The following WDR59 variants were observed in gnomAD, a reference collection of about 807,000 sequenced individuals.
WDR59 encodes GATOR2 complex protein WDR59.
A neutral mutation model predicts 131.2 loss-of-function variants in WDR59; 100 were observed. The observed-to-expected ratio is 0.76, with a 90% CI of 0.65 to 0.90. The LOEUF (loss-of-function observed/expected upper bound fraction) is 0.90. Ranked by LOEUF, WDR59 falls within the 40% of genes least tolerant of loss-of-function variation. The pLI is 0.00. For missense variants in WDR59, 1,203 were observed against 1,262.2 expected, an observed-to-expected ratio of 0.95 and a Z score of 0.71; for synonymous variants, 601 against 466.2, an observed-to-expected ratio of 1.29 and a Z score of -3.72.
chr16:74,927,994 G>A (rs1397697624), intron 8 of WDR59, among the ~76,000 whole-genome samples: 3 of 137,398 alleles, frequency 2.2e-5, no homozygotes, highest in African/African-American at 5.5e-5. Flanking sequence ...TGCAACCTCC[G>A]CCTCCCAAGT....
intron 8 of WDR59, among the ~76,000 whole-genome samples, chr16:74,930,373 G>A (rs968717554): frequency 6.6e-6 from 1 of 152,068 alleles, no homozygotes; most frequent in Non-Finnish European, 1.5e-5. Flanking sequence ...ACAGTAAAAC[G>A]AAAAACAGAA....
chr16:74,951,502 A>G lies in WDR59; in HGVS notation c.282T>C (p.Ser94=), dbSNP rs748088388. ...CTTGTAAGGTTGTGCCAACTTCCCC[A>G]CTGCCGTCTTTCCACTTGTAAAGGT... ...RVDLYKWKDG[S]GEVGTTLQGH... The change falls in exon 4 of 26, where the codon AGT becomes AGC. Residue 94 remains serine (S), a synonymous_variant. Coordinates refer to ENST00000262144, the MANE Select transcript of WDR59 (RefSeq NM_030581.4). The G allele has an allele frequency of 2.6e-5, 41 of 1,603,246 alleles. No individual in the cohort carries two copies. The highest frequency in any genetic ancestry group is 3.2e-5 in the Non-Finnish European group (38 of 1,175,544).
At chr16:74,889,419 A>G (rs781526841) in intron 21 of WDR59, among the ~76,000 whole-genome samples, 1 of 152,220 alleles carries the variant, frequency 6.6e-6, no homozygotes, top group Non-Finnish European at 1.5e-5. Context: ...AAACTCCTGT[A>G]TTCAGACTGA....
chr16:74,906,572 A>G (rs1165934077), intron 17 of WDR59, among the ~76,000 whole-genome samples: 2 of 152,104 alleles, frequency 1.3e-5, no homozygotes, highest in African/African-American at 2.4e-5. Flanking sequence ...TTATGAACAT[A>G]TGTGTCCAGG....
At chr16:74,900,381 T>C (rs10514389) in intron 18 of WDR59, among the ~76,000 whole-genome samples, 54,056 of 151,980 alleles carry the variant, frequency 0.36, 11,647 homozygotes, top group African/African-American at 0.6. Context: ...AAAGCACCTT[T>C]GCTAACAATA....
rs61733725 is a variant in WDR59, at chr16:74,874,253, G to A, written c.2881C>T (p.Pro961Ser). 1.2e-6 allele frequency: 2 copies of A among 1,614,042 alleles called. No homozygotes were observed. Among genetic ancestry groups the A allele is most frequent in the African/African-American group, 2.7e-5 (2 of 74,936 alleles). Residue 961 changes from proline (P) to serine (S), a missense_variant, in exon 26 of 26, where the codon CCC becomes TCC. Coordinates refer to ENST00000262144, the MANE Select transcript of WDR59 (RefSeq NM_030581.4). ...MEWFRTQEVC[P>S]TGCGCHCLLE... ...AGGCAGTGGCACCCACACCCGGTGG[G>A]ACACACCTCCTGGGTCCGAAACCAC... is the stretch of plus-strand genomic sequence containing the variant.
intron 3 of WDR59, among the ~76,000 whole-genome samples, chr16:74,952,112 C>T (rs2053364969): frequency 6.6e-6 from 1 of 151,690 alleles, no homozygotes; most frequent in Non-Finnish European, 1.5e-5. Context: ...GTGAGGACTG[C>T]GCCATCACAA....
chr16:74,946,263 G>C (rs2032629782), intron 6 of WDR59, among the ~76,000 whole-genome samples: 1 of 152,138 alleles, frequency 6.6e-6, no homozygotes, highest in Non-Finnish European at 1.5e-5. Flanking sequence ...AGTATATTTG[G>C]TTCAGTATTA....
In WDR59 at chr16:74,874,161, C is replaced by T. The variant is rs920395903; in HGVS notation, c.*48G>A. ...CCCCTGACAGACAGCTTGTCACCGG[C>T]ACTTATGGGTCCTCTGGGATTTCAG... is the stretch of plus-strand genomic sequence containing the variant. On this transcript the variant is annotated 3_prime_UTR_variant, in exon 26 of 26. Coordinates refer to ENST00000262144, the MANE Select transcript of WDR59 (RefSeq NM_030581.4). 2.0e-6 allele frequency: 3 copies of T among 1,503,330 alleles called. No homozygotes were observed. The highest frequency in any genetic ancestry group is 2.7e-6 in the Non-Finnish European group (3 of 1,099,130). The allele number at this position is 1,503,330 out of a possible 1,614,324, so 93.1% of individuals were successfully genotyped here. A position where few individuals can be genotyped will look rare whatever the true frequency, so the allele number is the denominator to read the frequency against.
At chr16:74,954,697 C>T (rs1182674482) in intron 3 of WDR59, among the ~76,000 whole-genome samples, 1 of 152,146 alleles carries the variant, frequency 6.6e-6, no homozygotes, top group East Asian at 1.9e-4. Context: ...ATGTTCATAC[C>T]AGCTCTATTC....
chr16:74,900,707 T>C (rs1965510320), intron 18 of WDR59, among the ~76,000 whole-genome samples: 2 of 152,238 alleles, frequency 1.3e-5, no homozygotes, highest in African/African-American at 4.8e-5. Flanking sequence ...ATCTAGAGAA[T>C]ATTTGGGTGA....
chr16:74,898,384 T>A (rs1174769833), intron 18 of WDR59, among the ~76,000 whole-genome samples: 3 of 152,150 alleles, frequency 2.0e-5, no homozygotes, highest in African/African-American at 7.2e-5. Flanking sequence ...CAATGCTCCA[T>A]CAATAGAAAA....
At chr16:74,881,494 T>C (rs533324575) in intron 25 of WDR59, among the ~76,000 whole-genome samples, 3 of 152,236 alleles carry the variant, frequency 2.0e-5, no homozygotes, top group African/African-American at 4.8e-5. Flanking sequence ...ACCTAGCCTA[T>C]ACTTTTCTTT....
intron 1 of WDR59, among the ~76,000 whole-genome samples, chr16:74,975,718 C>G (rs1301299767): frequency 6.6e-6 from 1 of 151,086 alleles, no homozygotes; most frequent in African/African-American, 2.4e-5. Flanking sequence ...AAAACTGAAG[C>G]TTAGAAAGGA....
At position 74,951,503 on chromosome 16, in the gene WDR59, C is replaced by T. The variant is rs2032998207; in HGVS notation, c.281G>A (p.Ser94Asn). Reference sequence around the variant, plus strand: ...TTGTAAGGTTGTGCCAACTTCCCCACTGCCGTCTTTCCACTTGTAAAGGTC... The same window carrying T: ...TTGTAAGGTTGTGCCAACTTCCCCATTGCCGTCTTTCCACTTGTAAAGGTC... ...RVDLYKWKDG[S>N]GEVGTTLQGH... is the part of the protein sequence containing the mutation. Residue 94 changes from serine to asparagine, a missense_variant, in exon 4 of 26, where the codon AGT becomes AAT. Ser to Asn is a conservative substitution (Grantham distance 46). Coordinates refer to ENST00000262144, the MANE Select transcript of WDR59 (RefSeq NM_030581.4). The T allele has an allele frequency of 6.2e-7, 1 of 1,603,302 alleles. No homozygotes were observed. Among genetic ancestry groups the T allele is most frequent in the Non-Finnish European group, 8.5e-7 (1 of 1,175,500 alleles).
chr16:74,941,236 G>A (rs559869206), intron 7 of WDR59, among the ~76,000 whole-genome samples: 8 of 151,442 alleles, frequency 5.3e-5, no homozygotes, highest in East Asian at 2.0e-4. Flanking sequence ...AGTTACTCAG[G>A]AGGCTGAAGC....
chr16:74,876,150 CA>C (rs1345712303), intron 25 of WDR59, among the ~76,000 whole-genome samples: 3 of 151,724 alleles, frequency 2.0e-5, no homozygotes, highest in African/African-American at 7.3e-5. Flanking sequence ...AACTGGTGGT[CA>C]GAAAAAAAAG....
rs2144795624 is a variant in WDR59, at chr16:74,886,331, C to T, written c.2485G>A (p.Gly829Arg). The change falls in exon 24 of 26, where the codon GGG (glycine) becomes AGG (arginine). Residue 829 changes from glycine (G) to arginine (R), a missense_variant. Physicochemically the swap from Gly to Arg is moderately radical, Grantham distance 125 (BLOSUM62 -2). Coordinates refer to ENST00000262144, the MANE Select transcript of WDR59 (RefSeq NM_030581.4). Reference protein sequence around the residue: ...GESSPEELRFGSLTYSDPRER... With the variant: ...GESSPEELRFRSLTYSDPRER... ...CGGGGATCACTGTAGGTCAGACTCCCAAAGCGGAGCTCTTCTGGTGAGGAT... is the reference window on the plus strand; with the variant it reads ...CGGGGATCACTGTAGGTCAGACTCCTAAAGCGGAGCTCTTCTGGTGAGGAT... The T allele has an allele frequency of 6.2e-7, 1 of 1,613,964 alleles. No homozygotes were observed. Among genetic ancestry groups the T allele is most frequent in the Non-Finnish European group, 8.5e-7 (1 of 1,179,998 alleles).
At chr16:74,941,084 T>C (rs996929302) in intron 7 of WDR59, among the ~76,000 whole-genome samples, 1 of 151,422 alleles carries the variant, frequency 6.6e-6, no homozygotes, top group Non-Finnish European at 1.5e-5. Context: ...GTGGCTCATG[T>C]CTGTAATCCC....
Sources: allele counts gnomAD v4.1 joint callset (sites outside exome capture counted in the v4.1 genomes callset), GRCh38; gene constraint gnomAD v4.1.1; transcripts MANE v1.5; gene names NCBI Gene and HGNC (gene_info 2026-07-23, HGNC 2026-07-21).